UBE2W: variants seen among roughly 807,000 people sequenced by gnomAD.
UBE2W encodes the protein ubiquitin conjugating enzyme E2 W.
A neutral mutation model predicts 27.2 loss-of-function variants in UBE2W; 18 were observed. The ratio of observed to expected loss-of-function variants is 0.66; its 90% CI spans 0.46 to 0.98. The LOEUF (loss-of-function observed/expected upper bound fraction) is 0.98. UBE2W is among the 50% of genes least tolerant of loss of function. The pLI is 0.00. For synonymous variants in UBE2W, 53 were observed against 57.2 expected (o/e 0.93, Z 0.33); for missense variants, 90 against 180.2 (o/e 0.50, Z 2.87).
At chr8:73,802,126 G>A (rs1808672337) in intron 5 of UBE2W, among the ~76,000 whole-genome samples, 1 of 152,194 alleles carries the variant, frequency 6.6e-6, no homozygotes, top group South Asian at 2.1e-4. Context: ...ATTCTCTGAA[G>A]TTTAATAACT....
At chr8:73,859,562 T>C (rs992649554) in intron 1 of UBE2W, among the ~76,000 whole-genome samples, 1 of 152,214 alleles carries the variant, frequency 6.6e-6, no homozygotes, top group Admixed American at 6.5e-5. Flanking sequence ...TCTTACTTTA[T>C]TGTAAGAATA....
downstream of UBE2W, among the ~76,000 whole-genome samples, chr8:73,785,509 C>T (rs1233541219): frequency 6.6e-6 from 1 of 152,162 alleles, no homozygotes; most frequent in African/African-American, 2.4e-5. Context: ...GATCCATTGC[C>T]TAATGCTGGG....
Position 73,793,695 on chromosome 8 carries a change from A to C in UBE2W, c.*407T>G. 1 of 994,782 alleles carries C rather than the reference A, an allele frequency of 1.0e-6. No individual in the cohort carries two copies. The highest frequency in any genetic ancestry group is 1.2e-6 in the Non-Finnish European group (1 of 836,030). 61.6% of individuals were successfully genotyped at this position (994,782 alleles called of 1,614,324 possible). On this transcript the variant is annotated 3_prime_UTR_variant, in exon 6 of 6. Transcript: ENST00000602593. ...CATTTCATAGGCCCTATCATGCATT[A>C]ATCATTGAATGGCAGGAGTTAATGA... is the stretch of plus-strand genomic sequence containing the variant.
intron 1 of UBE2W, among the ~76,000 whole-genome samples, chr8:73,853,618 T>C (rs538007127): frequency 2.0e-5 from 3 of 152,284 alleles, no homozygotes; most frequent in East Asian, 3.9e-4. Flanking sequence ...GTATAATACA[T>C]GCAACTTTGG....
At chr8:73,869,329 G>A (rs928320514) in intron 1 of UBE2W, among the ~76,000 whole-genome samples, 3 of 151,924 alleles carry the variant, frequency 2.0e-5, no homozygotes, top group Non-Finnish European at 4.4e-5. Flanking sequence ...AGGCCGAGGC[G>A]GGCGGATCAC....
intron 1 of UBE2W, among the ~76,000 whole-genome samples, chr8:73,854,321 T>C (rs996834862): frequency 6.6e-6 from 1 of 152,082 alleles, no homozygotes; most frequent in Non-Finnish European, 1.5e-5. Context: ...TCATGGCATA[T>C]TGTTAGAATA....
chr8:73,828,741 C>T (rs775658349), intron 2 of UBE2W, among the ~76,000 whole-genome samples: 15 of 152,084 alleles, frequency 9.9e-5, no homozygotes, highest in Non-Finnish European at 1.8e-4. Flanking sequence ...ATGGGGTATC[C>T]ATCACCTCAA....
At chr8:73,808,692 A>G (rs1469313491) in intron 4 of UBE2W, among the ~76,000 whole-genome samples, 1 of 152,188 alleles carries the variant, frequency 6.6e-6, no homozygotes, top group Non-Finnish European at 1.5e-5. Context: ...ATTTTATCGT[A>G]TTTCATGGAA....
intron 5 of UBE2W, among the ~76,000 whole-genome samples, chr8:73,803,494 C>A (rs1808733649): frequency 6.6e-6 from 1 of 152,124 alleles, no homozygotes; most frequent in Non-Finnish European, 1.5e-5. Context: ...CTTTATGGCT[C>A]AAAATTCAAA....
intron 1 of UBE2W, among the ~76,000 whole-genome samples, chr8:73,832,136 A>ATATATATATATATATAT (rs1563601304): frequency 6.9e-6 from 1 of 145,348 alleles, no homozygotes; most frequent in African/African-American, 2.6e-5. Flanking sequence ...AAAATAAATA[A>ATATATATATATATATAT]ATATATATAT....
At chr8:73,839,950 G>A (rs1810472471) in intron 1 of UBE2W, among the ~76,000 whole-genome samples, 1 of 151,760 alleles carries the variant, frequency 6.6e-6, no homozygotes, top group African/African-American at 2.4e-5. Flanking sequence ...TGGCCAAGCT[G>A]GTCTCGAACT....
At chr8:73,863,304 C>G (rs1347263316) in intron 1 of UBE2W, among the ~76,000 whole-genome samples, 3 of 143,482 alleles carry the variant, frequency 2.1e-5, no homozygotes, top group Admixed American at 6.9e-5. Context: ...TGGAAATCAT[C>G]ATTCTCAGTA....
chr8:73,839,923 A>G (rs1160088885), intron 1 of UBE2W, among the ~76,000 whole-genome samples: 1 of 151,630 alleles, frequency 6.6e-6, no homozygotes, highest in Non-Finnish European at 1.5e-5. Context: ...ACATGGTGAG[A>G]TGGGGTTTCA....
chr8:73,852,632 C>T (rs1811127169), intron 1 of UBE2W, among the ~76,000 whole-genome samples: 1 of 151,968 alleles, frequency 6.6e-6, no homozygotes, highest in African/African-American at 2.4e-5. Flanking sequence ...TTTTTACCTT[C>T]CAGGTTTCAG....
chr8:73,845,069 G>A (rs1275963613), intron 1 of UBE2W, among the ~76,000 whole-genome samples: 1 of 145,762 alleles, frequency 6.9e-6, no homozygotes, highest in African/African-American at 2.6e-5. Context: ...GCCCCCGCCC[G>A]GCCAGCTGCA....
chr8:73,851,964 A>T (rs13267731), intron 1 of UBE2W, among the ~76,000 whole-genome samples: 16,764 of 111,276 alleles, frequency 0.15, 1,157 homozygotes, highest in African/African-American at 0.38. Context: ...TTTTTTTTTT[A>T]AAAAAAAAAA....
At position 73,843,133 on chromosome 8, in the gene UBE2W, T is replaced by C. The variant is rs74963296; in HGVS notation, c.16-12661A>G. Among the ~76,000 whole-genome samples the C allele has an allele frequency of 1.2e-3, 185 of 152,234 alleles. 2 individuals carry two copies. In the East Asian group the frequency reaches 0.019, roughly 16 times the overall value. On this transcript the variant is annotated intron_variant, in intron 1 of 5. Coordinates refer to ENST00000602593, the MANE Select transcript of UBE2W (RefSeq NM_018299.6). ...GAAATGTCTATAACAGTCAAATCTGTAGAGATGGAAGGTAAGCTGGTGATT... is the reference window on the plus strand; with the variant it reads ...GAAATGTCTATAACAGTCAAATCTGCAGAGATGGAAGGTAAGCTGGTGATT...
intron 1 of UBE2W, among the ~76,000 whole-genome samples, chr8:73,867,527 C>CT (rs1586548047): frequency 1.3e-5 from 2 of 151,706 alleles, no homozygotes; most frequent in African/African-American, 4.8e-5. Context: ...GGGCGAGACT[C>CT]TGTCTCAAAA....
chr8:73,810,826 C>T (rs1809122979), intron 3 of UBE2W, among the ~76,000 whole-genome samples, 197 bp from the exon 4 acceptor site: 1 of 152,144 alleles, frequency 6.6e-6, no homozygotes, highest in Non-Finnish European at 1.5e-5. Flanking sequence ...CGAATAACCA[C>T]ATAGTAGGGA....
Sources: gnomAD v4.1 joint callset for allele counts (sites outside exome capture counted in the v4.1 genomes callset) on GRCh38, gnomAD v4.1.1 for gene constraint, MANE v1.5 for transcripts, NCBI Gene and HGNC (gene_info 2026-07-23, HGNC 2026-07-21) for gene names.